GRID1: variants seen among roughly 807,000 people sequenced by gnomAD.
GRID1 encodes glutamate ionotropic receptor delta type subunit 1.
GRID1 carries 28 observed loss-of-function variants against 98.0 expected under a neutral mutation model. That is an observed-to-expected ratio of 0.29 (90% CI 0.21 to 0.39). The LOEUF is 0.39. Among genes scored for constraint, GRID1 ranks in the 10% least tolerant of loss-of-function variants. GRID1 has a pLI of 1.00. For missense variants in GRID1, 1,111 were observed against 1,340.5 expected, an observed-to-expected ratio of 0.83 and a Z score of 2.67; for synonymous variants, 553 against 538.5, an observed-to-expected ratio of 1.03 and a Z score of -0.37.
intron 12 of GRID1, among the ~76,000 whole-genome samples, chr10:85,654,628 A>G (rs1840872596): frequency 6.6e-6 from 1 of 152,146 alleles, no homozygotes; most frequent in Non-Finnish European, 1.5e-5. Context: ...TACCAGCCCT[A>G]TCAAACACCC....
chr10:86,034,953 G>C (rs866974936), intron 4 of GRID1, among the ~76,000 whole-genome samples: 1 of 151,000 alleles, frequency 6.6e-6, no homozygotes, highest in South Asian at 2.1e-4. Context: ...TGGATGGATG[G>C]ATAGATGGTT....
chr10:86,169,855 A>C (rs894626628), intron 3 of GRID1, among the ~76,000 whole-genome samples: 5 of 152,180 alleles, frequency 3.3e-5, no homozygotes, highest in African/African-American at 1.2e-4. Context: ...GCGGCAGCCC[A>C]TGTGGCTCCA....
intron 2 of GRID1, among the ~76,000 whole-genome samples, chr10:86,215,319 AC>A (rs1389157545): frequency 1.3e-5 from 2 of 152,212 alleles, no homozygotes; most frequent in African/African-American, 2.4e-5. Context: ...CACGAAGCAG[AC>A]CAGGAGGGTG....
chr10:85,963,435 A>G (rs955168723), intron 4 of GRID1, among the ~76,000 whole-genome samples: 3 of 152,142 alleles, frequency 2.0e-5, no homozygotes, highest in Admixed American at 6.5e-5. Flanking sequence ...CTCGCCACAC[A>G]GTGGACAGGG....
rs147166167 is a variant in GRID1, at chr10:86,288,727, AATG to A, written c.235+75211_235+75213del. Reference sequence around the variant, plus strand: ...AGCGGCAGCACTCAAATTGCCAGATAATGTCAATCTGACAGTGGGTGGCCGTCA... The same window carrying A: ...AGCGGCAGCACTCAAATTGCCAGATATCAATCTGACAGTGGGTGGCCGTCA... On this transcript the variant is annotated intron_variant, in intron 2 of 15. Coordinates refer to ENST00000327946, the MANE Select transcript of GRID1 (RefSeq NM_017551.3). Among the ~76,000 whole-genome samples, 622 of 152,342 alleles carry A rather than the reference AATG, an allele frequency of 4.1e-3. 1 individual carries two copies. Among genetic ancestry groups the A allele is most frequent in the Middle Eastern group, 6.8e-3 (2 of 294 alleles).
rs143571284 is a variant in GRID1 at position 85,870,111 on chromosome 10, G to A, written c.781-931C>T. 4.9e-3 allele frequency among the ~76,000 whole-genome samples: 750 copies of A among 152,336 alleles called. 8 individuals carry two copies. Among genetic ancestry groups the A allele is most frequent in the African/African-American group, 0.016 (655 of 41,574 alleles). On this transcript the variant is annotated intron_variant, in intron 5 of 15. Coordinates refer to ENST00000327946, the MANE Select transcript of GRID1 (RefSeq NM_017551.3). ...AAAGGATTTTAACATTTGAGTCAGT[G>A]GTCTGGGAGAGGCAGACCCGCCCTC...
At chr10:85,671,317 T>A (rs993033611) in intron 12 of GRID1, among the ~76,000 whole-genome samples, 1 of 152,356 alleles carries the variant, frequency 6.6e-6, no homozygotes, top group East Asian at 1.9e-4. Context: ...TCCAATAGCA[T>A]GTGCTCACTT....
chr10:85,662,530 G>T (rs1004606302), intron 12 of GRID1, among the ~76,000 whole-genome samples: 1 of 152,134 alleles, frequency 6.6e-6, no homozygotes, highest in African/African-American at 2.4e-5. Flanking sequence ...TGGATCCCCA[G>T]CTCCCTCCGT....
chr10:86,023,324 G>A (rs1033220112), intron 4 of GRID1, among the ~76,000 whole-genome samples: 7 of 152,110 alleles, frequency 4.6e-5, no homozygotes, highest in African/African-American at 1.4e-4. Context: ...TATGGCCTGC[G>A]GGCTCACTGT....
intron 8 of GRID1, among the ~76,000 whole-genome samples, chr10:85,823,236 C>T (rs1842789342): frequency 6.6e-6 from 1 of 152,064 alleles, no homozygotes; most frequent in Admixed American, 6.6e-5. Flanking sequence ...TATTTTACTT[C>T]AATCATCTCT....
intron 15 of GRID1, among the ~76,000 whole-genome samples, chr10:85,611,490 G>C (rs1842732341): frequency 6.6e-6 from 1 of 152,156 alleles, no homozygotes; most frequent in Admixed American, 6.5e-5. Context: ...ACCCTCCCCT[G>C]CTCCGCTGAC....
At chr10:86,222,299 C>T (rs1374109156) in intron 2 of GRID1, among the ~76,000 whole-genome samples, 2 of 152,220 alleles carry the variant, frequency 1.3e-5, no homozygotes, top group Non-Finnish European at 2.9e-5. Context: ...CTGCCCACCC[C>T]AAGCCTGGGC....
chr10:85,821,538 A>AAAAAAGC (rs1842771977), intron 8 of GRID1, among the ~76,000 whole-genome samples: 1 of 146,102 alleles, frequency 6.8e-6, no homozygotes, highest in Non-Finnish European at 1.5e-5. Context: ...AAAAAAAAAA[A>AAAAAAGC]AAAAAAAGAA....
chr10:85,735,018 G>A (rs759572071), intron 8 of GRID1, among the ~76,000 whole-genome samples: 3 of 152,272 alleles, frequency 2.0e-5, no homozygotes, highest in East Asian at 1.9e-4. Flanking sequence ...AAAGCCAAAC[G>A]AGGCCGATGG....
intron 2 of GRID1, among the ~76,000 whole-genome samples, chr10:86,265,534 C>T (rs1294469946): frequency 6.6e-6 from 1 of 152,204 alleles, no homozygotes; most frequent in Non-Finnish European, 1.5e-5. Flanking sequence ...AATCCAGAGC[C>T]CCAGGTCTTA....
intron 8 of GRID1, among the ~76,000 whole-genome samples, chr10:85,821,516 C>CAAAAAA (rs1157209045): frequency 0.011 from 101 of 9,096 alleles, 1 homozygote; most frequent in East Asian, 0.015. Flanking sequence ...GACTTCATCT[C>CAAAAAA]AAAAAAAAAA....
intron 6 of GRID1, among the ~76,000 whole-genome samples, chr10:85,865,101 G>A (rs1590271703): frequency 6.6e-6 from 1 of 152,164 alleles, no homozygotes; most frequent in African/African-American, 2.4e-5. Flanking sequence ...GGTTCTGAGG[G>A]ACTGGTTATC....
chr10:85,669,711 C>T lies in GRID1; in HGVS notation c.1998-22314G>A, dbSNP rs74563633. ...AGGACTGCTAGCTCCCATCCCCAGA[C>T]GGATCTTATCCTGAGGCCCCCTTCT... On this transcript the variant is annotated intron_variant, in intron 12 of 15. Transcript: ENST00000327946. Among the ~76,000 whole-genome samples, 628 of 152,286 alleles carry T rather than the reference C, an allele frequency of 4.1e-3. 4 individuals are homozygous for T. Among genetic ancestry groups the T allele is most frequent in the African/African-American group, 0.013 (539 of 41,562 alleles).
At chr10:86,140,574 G>C (rs1162868008) in intron 3 of GRID1, among the ~76,000 whole-genome samples, 11 of 152,214 alleles carry the variant, frequency 7.2e-5, no homozygotes, top group Admixed American at 7.2e-4. Context: ...CAGCGCGAGG[G>C]AGAAGAGCAG....
Sources: gnomAD v4.1 joint callset for allele counts (sites outside exome capture counted in the v4.1 genomes callset) on GRCh38, gnomAD v4.1.1 for gene constraint, MANE v1.5 for transcripts, NCBI Gene and HGNC (gene_info 2026-07-23, HGNC 2026-07-21) for gene names.